Variants in TRHDE observed in about 807,000 individuals in gnomAD.
The protein encoded by TRHDE is thyrotropin releasing hormone degrading enzyme.
TRHDE carries 72 observed loss-of-function variants against 125.7 expected under a neutral mutation model. The ratio of observed to expected loss-of-function variants is 0.57; its 90% confidence interval spans 0.47 to 0.70. The LOEUF is 0.70. Ranked by LOEUF, TRHDE falls within the 30% of genes least tolerant of loss-of-function variation. The pLI is 0.00. For missense variants in TRHDE, 1,110 were observed against 1,327.1 expected (o/e 0.84, Z 2.54); for synonymous variants, 509 against 509.1 (o/e 1.00, Z 0.00).
intron 12 of TRHDE, among the ~76,000 whole-genome samples, chr12:72,615,313 CA>C (rs1407120295): frequency 6.6e-6 from 1 of 152,074 alleles, no homozygotes; most frequent in African/African-American, 2.4e-5. Flanking sequence ...TGTGGTGATG[CA>C]AATTTAGGGA....
chr12:72,294,734 T>C (rs756940654), intron 2 of TRHDE, among the ~76,000 whole-genome samples: 5 of 152,120 alleles, frequency 3.3e-5, no homozygotes, highest in Non-Finnish European at 7.4e-5. Context: ...TTCTGCCTCC[T>C]GCTGCCTGTT....
At chr12:72,377,304 C>CT (rs200021223) in intron 2 of TRHDE, among the ~76,000 whole-genome samples, 2,438 of 130,320 alleles carry the variant, frequency 0.019, 64 homozygotes, top group African/African-American at 0.058. Flanking sequence ...TTGCTTTAGG[C>CT]TTTTTTTTTT....
intron 7 of TRHDE, among the ~76,000 whole-genome samples, chr12:72,555,376 A>G (rs1869871560): frequency 6.6e-6 from 1 of 152,068 alleles, no homozygotes; most frequent in Non-Finnish European, 1.5e-5. Flanking sequence ...TTTCATGTCC[A>G]GTGGCTTGAA....
At chr12:72,515,675 G>C (rs1878816031) in intron 6 of TRHDE, among the ~76,000 whole-genome samples, 1 of 151,898 alleles carries the variant, frequency 6.6e-6, no homozygotes, top group Non-Finnish European at 1.5e-5. Context: ...TTTGGCTTTT[G>C]TTGCCATTGC....
At chr12:72,337,005 A>G (rs1401892320) in intron 2 of TRHDE, among the ~76,000 whole-genome samples, 1 of 152,184 alleles carries the variant, frequency 6.6e-6, no homozygotes, top group African/African-American at 2.4e-5. Flanking sequence ...TTCACTCCAG[A>G]CTTACTAAAT....
intron 2 of TRHDE, among the ~76,000 whole-genome samples, chr12:72,243,556 G>T (rs535365615): frequency 3.3e-5 from 5 of 151,808 alleles, no homozygotes; most frequent in African/African-American, 9.7e-5. Flanking sequence ...TGCAAATATT[G>T]GTTTAGTAAT....
intron 2 of TRHDE, among the ~76,000 whole-genome samples, chr12:72,293,465 C>T (rs2139437123): frequency 6.6e-6 from 1 of 152,272 alleles, no homozygotes; most frequent in African/African-American, 2.4e-5. Context: ...CTCAGAAATT[C>T]CATTTTGGGT....
chr12:72,617,671 A>C (rs183921482), intron 12 of TRHDE, among the ~76,000 whole-genome samples: 4 of 152,184 alleles, frequency 2.6e-5, no homozygotes, highest in African/African-American at 4.8e-5. Context: ...AATACCTTAC[A>C]CTGGGTAATT....
At chr12:72,517,968 T>C (rs1878967213) in intron 6 of TRHDE, among the ~76,000 whole-genome samples, 1 of 151,720 alleles carries the variant, frequency 6.6e-6, no homozygotes, top group Non-Finnish European at 1.5e-5. Flanking sequence ...AGTGAGATTC[T>C]TAATCCTGAG....
At chr12:72,132,217 C>A (rs764501096) in intron 2 of TRHDE, among the ~76,000 whole-genome samples, 32 of 152,110 alleles carry the variant, frequency 2.1e-4, no homozygotes, top group Non-Finnish European at 3.7e-4. Context: ...TGCTGGTTTG[C>A]CTGCTGGAGA....
At chr12:72,290,554 T>G (rs1452383351) in intron 2 of TRHDE, among the ~76,000 whole-genome samples, 1 of 152,210 alleles carries the variant, frequency 6.6e-6, no homozygotes, top group African/African-American at 2.4e-5. Context: ...GGCACAGTGG[T>G]GGCAACTTCT....
Position 72,223,040 on chromosome 12 carries a change from A to G in TRHDE, n.279+117288A>G, listed in dbSNP as rs549721830. Among the ~76,000 whole-genome samples, 11 of 152,244 alleles carry G rather than the reference A, an allele frequency of 7.2e-5. 1 individual carries two copies. In the South Asian group the frequency reaches 2.3e-3, roughly 32 times the overall value. On this transcript the variant is annotated intron_variant and non_coding_transcript_variant, in intron 2 of 4. Transcript: ENST00000548156. ...ATAGCACTGTGGTGATGGGCCCTAT[A>G]TGACAAGTGTTGCTATACTGCCCAA... is the stretch of plus-strand genomic sequence containing the variant.
chr12:72,125,828 T>A (rs781503774), intron 2 of TRHDE, among the ~76,000 whole-genome samples: 6 of 152,148 alleles, frequency 3.9e-5, no homozygotes, highest in African/African-American at 2.4e-5. Flanking sequence ...GTGATCCCTA[T>A]GATTTGCCCA....
rs1422334420 is a variant in TRHDE, at chr12:72,469,914, T to C, written c.1470+2T>C. On this transcript the variant is annotated splice_donor_variant, in intron 4 of 18. Coordinates refer to ENST00000261180, the MANE Select transcript of TRHDE (RefSeq NM_013381.3). LOFTEE classifies it high-confidence loss of function. Reference sequence around the variant, plus strand: ...ATTGTTCATGAGATATGTCACCAGGTATGAGAAAAAGAATCAGGTGTAAGT... The same window carrying C: ...ATTGTTCATGAGATATGTCACCAGGCATGAGAAAAAGAATCAGGTGTAAGT... 1 of 1,613,236 alleles carries C rather than the reference T, an allele frequency of 6.2e-7. No individual in the cohort carries two copies. The highest frequency in any genetic ancestry group is 8.5e-7 in the Non-Finnish European group (1 of 1,179,730).
At chr12:72,203,727 C>T (rs1305174361) in intron 2 of TRHDE, among the ~76,000 whole-genome samples, 1 of 152,060 alleles carries the variant, frequency 6.6e-6, no homozygotes, top group Non-Finnish European at 1.5e-5. Context: ...AGTCAATTAC[C>T]ATCTGCCTGT....
intron 5 of TRHDE, among the ~76,000 whole-genome samples, chr12:72,491,919 A>T (rs1592486906): frequency 6.6e-6 from 1 of 152,030 alleles, no homozygotes; most frequent in African/African-American, 2.4e-5. Flanking sequence ...TCAATAAGAG[A>T]TATGCCTGGA....
At chr12:72,408,761 A>G (rs1156550824) in intron 3 of TRHDE, among the ~76,000 whole-genome samples, 1 of 152,228 alleles carries the variant, frequency 6.6e-6, no homozygotes, top group Non-Finnish European at 1.5e-5. Flanking sequence ...GTAAAAACTC[A>G]ATAGATGAAT....
intron 2 of TRHDE, among the ~76,000 whole-genome samples, chr12:72,316,704 T>G (rs1269556399): frequency 6.6e-6 from 1 of 152,232 alleles, no homozygotes; most frequent in Non-Finnish European, 1.5e-5. Context: ...TTATTCATGT[T>G]GATGCAGGTA....
intron 2 of TRHDE, among the ~76,000 whole-genome samples, chr12:72,360,151 G>T (rs1871002735): frequency 6.6e-6 from 1 of 151,632 alleles, no homozygotes; most frequent in Admixed American, 6.6e-5. Context: ...ACTTTTAGAA[G>T]AAAACAAAGA....
Sources: gnomAD v4.1 joint callset for allele counts (sites outside exome capture counted in the v4.1 genomes callset) on GRCh38, gnomAD v4.1.1 for gene constraint, MANE v1.5 for transcripts, NCBI Gene and HGNC (gene_info 2026-07-23, HGNC 2026-07-21) for gene names.